The following MYOM1 variants were observed in gnomAD, a reference collection of about 807,000 sequenced individuals.
MYOM1 encodes the protein myomesin-1.
A neutral mutation model predicts 205.3 loss-of-function variants in MYOM1; 164 were observed. That is an observed-to-expected ratio of 0.80 (90% CI 0.70 to 0.91). MYOM1 has a LOEUF of 0.91. Ranked by LOEUF, MYOM1 falls within the 40% of genes least tolerant of loss-of-function variation. The pLI is 0.00. For missense variants in MYOM1, 2,011 were observed against 2,127.3 expected (o/e 0.95, Z 1.08); for synonymous variants, 772 against 789.4 (o/e 0.98, Z 0.37).
At chr18:3,231,701 G>A in the MYOM1 span, among the ~76,000 whole-genome samples, 1 of 151,586 alleles carries the variant, frequency 6.6e-6, no homozygotes, top group East Asian at 1.9e-4. Context: ...GTGCCACCAC[G>A]CCCAGCTAAT....
At chr18:3,127,305 A>ATATATATATATATTTTT (rs56880961) in intron 18 of MYOM1, among the ~76,000 whole-genome samples, 1 of 47,570 alleles carries the variant, frequency 2.1e-5, no homozygotes. Context: ...ATATATATAT[A>ATATATATATATATTTTT]TTTTTTTTTT....
Position 3,067,442 on chromosome 18 carries a change from C to G in MYOM1, c.4878G>C (p.Gly1626=), listed in dbSNP as rs755824393. ...CGTTGATGGTGAAGTACGCGGTCCT[C>G]CCAGCCTCGAACTTGAGGTTGCAGT... ...DDHCNLKFEA[G]RTAYFTINGV... The change falls in exon 38 of 38, where the codon GGG becomes GGC. Residue 1626 remains glycine (G), a synonymous_variant. Coordinates refer to ENST00000356443, the MANE Select transcript of MYOM1 (RefSeq NM_003803.4). 3.1e-6 allele frequency: 5 copies of G among 1,613,632 alleles called. No homozygotes were observed. The Admixed American group carries it at 8.3e-5, about 27-fold the overall frequency.
At chr18:3,204,964 G>C (rs1413944979) in intron 2 of MYOM1, among the ~76,000 whole-genome samples, 1 of 152,028 alleles carries the variant, frequency 6.6e-6, no homozygotes, top group African/African-American at 2.4e-5. Context: ...AATGGGGGAA[G>C]GGATAATCTT....
At chr18:3,208,664 A>G (rs2144235893) in intron 2 of MYOM1, among the ~76,000 whole-genome samples, 1 of 152,350 alleles carries the variant, frequency 6.6e-6, no homozygotes, top group Non-Finnish European at 1.5e-5. Flanking sequence ...ATACTGGAAG[A>G]CAAACCTTAG....
At position 3,214,921 on chromosome 18, in the gene MYOM1, G is replaced by A. The variant is rs780929540; in HGVS notation, c.290+13C>T. 107 of 1,568,330 alleles carry A rather than the reference G, an allele frequency of 6.8e-5. No individual in the cohort carries two copies. The highest frequency in any genetic ancestry group is 8.9e-5 in the Non-Finnish European group (103 of 1,155,158). On this transcript the variant is annotated intron_variant, in intron 2 of 37. Coordinates refer to ENST00000356443, the MANE Select transcript of MYOM1 (RefSeq NM_003803.4). ...CCTGAGGTTGGAAGGTTGGAGGAGG[G>A]CGTCCGACATACCCATGGGAGGAGC... is the stretch of plus-strand genomic sequence containing the variant.
At chr18:3,244,112 T>G in the MYOM1 span, among the ~76,000 whole-genome samples, 1 of 152,198 alleles carries the variant, frequency 6.6e-6, no homozygotes, top group South Asian at 2.1e-4. Flanking sequence ...GTCCTGTGCA[T>G]AGTAGGATGT....
chr18:3,197,709 TA>T (rs1249653840), intron 2 of MYOM1, among the ~76,000 whole-genome samples: 5 of 151,496 alleles, frequency 3.3e-5, no homozygotes, highest in Non-Finnish European at 5.9e-5. Context: ...CCGTCTTTAC[TA>T]AAAATACAAA....
At chr18:3,101,073 T>A (rs1317126629) in intron 23 of MYOM1, among the ~76,000 whole-genome samples, 1 of 152,240 alleles carries the variant, frequency 6.6e-6, no homozygotes, top group African/African-American at 2.4e-5. Context: ...AAATGTTAAG[T>A]GTATAAACTG....
At chr18:3,134,065 G>T (rs1051695155) in intron 16 of MYOM1, among the ~76,000 whole-genome samples, 1 of 151,770 alleles carries the variant, frequency 6.6e-6, no homozygotes, top group Non-Finnish European at 1.5e-5. Context: ...TCGCCAGGTT[G>T]CCCAGGCTGG....
In MYOM1 at chr18:3,163,597, C is replaced by T. The variant is rs140558431; in HGVS notation, c.1501+681G>A. ...CCTCCCAAGTAGCTGAGACTACAAG[C>T]GCGCACCACCATGCCCGGCTAATTT... On this transcript the variant is annotated intron_variant, in intron 10 of 37. Transcript: ENST00000356443. 6.1e-3 allele frequency among the ~76,000 whole-genome samples: 923 copies of T among 151,844 alleles called. 11 individuals carry two copies. The highest frequency in any genetic ancestry group is 0.021 in the African/African-American group (875 of 41,368).
rs114344657 is a variant in MYOM1, at chr18:3,152,326, G to A, written c.1644-433C>T. Reference sequence around the variant, plus strand: ...CAGAGGTATTATTGAGAAAATTGGCGTCTTAAAACCTAACTATTTGCACTG... The same window carrying A: ...CAGAGGTATTATTGAGAAAATTGGCATCTTAAAACCTAACTATTTGCACTG... On this transcript the variant is annotated intron_variant, in intron 11 of 37. Transcript: ENST00000356443. The surrounding 1 kb of genome is among the most constrained non-coding windows in gnomAD (Gnocchi z 4.3). Among the ~76,000 whole-genome samples, 2,074 of 152,210 alleles carry A rather than the reference G, an allele frequency of 0.014. 37 individuals carry two copies. The highest frequency in any genetic ancestry group is 0.046 in the African/African-American group (1,897 of 41,516).
rs752316304 is a variant in MYOM1, at chr18:3,071,795, A to T, written c.4764+39T>A. 9.5e-6 allele frequency: 15 copies of T among 1,571,126 alleles called. 1 individual carries two copies. In the South Asian group the frequency reaches 1.8e-4, roughly 18 times the overall value. ...ATCTGGGGTGCTGGAACCTGTTCAT[A>T]GTGCAGAAGGAGCAGGCACAGGCAG... On this transcript the variant is annotated intron_variant, in intron 37 of 37. Coordinates refer to ENST00000356443, the MANE Select transcript of MYOM1 (RefSeq NM_003803.4).
intron 23 of MYOM1, among the ~76,000 whole-genome samples, chr18:3,101,644 A>G (rs1299381339): frequency 6.6e-6 from 1 of 152,186 alleles, no homozygotes; most frequent in Non-Finnish European, 1.5e-5. Context: ...CAATCCATTT[A>G]ATTTACCATA....
rs1001635028 is a variant in MYOM1, at chr18:3,094,187, C to T, written c.3847G>A (p.Glu1283Lys). 6.2e-7 allele frequency: 1 copy of T among 1,613,786 alleles called. No individual in the cohort carries two copies. The highest frequency in any genetic ancestry group is 8.5e-7 in the Non-Finnish European group (1 of 1,179,842). The change falls in exon 26 of 38, where the codon GAA (glutamate) becomes AAA (lysine). Residue 1283 changes from glutamate (E) to lysine (K), a missense_variant. Physicochemically the swap from Glu to Lys is moderately conservative, Grantham distance 56. Transcript: ENST00000356443. ...AKVNYIFNEK[E>K]IFEGPKYKMH... ...AAACCTACCGGGCCTTCAAAAATTT[C>T]CTTCTCGTTAAATATGTAGTTGACT...
rs1191012677 is a variant in MYOM1 at position 3,131,372 on chromosome 18, T to C, written c.2506+3A>G. The C allele has an allele frequency of 6.2e-7, 1 of 1,613,842 alleles. No individual in the cohort carries two copies. Among genetic ancestry groups the C allele is most frequent in the Admixed American group, 1.7e-5 (1 of 60,022 alleles). On this transcript the variant is annotated splice_donor_region_variant and intron_variant, in intron 17 of 37. Coordinates refer to ENST00000356443, the MANE Select transcript of MYOM1 (RefSeq NM_003803.4). The stretch of plus-strand genomic sequence containing the variant: ...CCCATACAGTTATGCATAAGGAACT[T>C]ACCAATAGCAGCTTTGACTTCAATA...
chr18:3,084,183 GAAATA>G (rs1189779072), intron 31 of MYOM1, among the ~76,000 whole-genome samples, 156 bp from the exon 32 acceptor site: 2 of 152,156 alleles, frequency 1.3e-5, no homozygotes, highest in Non-Finnish European at 2.9e-5. Flanking sequence ...ATTCTTTGAG[GAAATA>G]GTTCAATTTT....
chr18:3,101,544 G>A (rs530870698), intron 23 of MYOM1, among the ~76,000 whole-genome samples: 50 of 152,256 alleles, frequency 3.3e-4, no homozygotes, highest in Admixed American at 5.9e-4. Flanking sequence ...CCTAGAGCTC[G>A]TTCATCTTAT....
chr18:3,108,644 A>G (rs530115080), intron 22 of MYOM1, among the ~76,000 whole-genome samples: 14 of 151,986 alleles, frequency 9.2e-5, no homozygotes, highest in Admixed American at 6.6e-4. Context: ...CCTGGGTCCA[A>G]GCAATTCTGC....
chr18:3,100,767 G>C (rs937117728), intron 23 of MYOM1, among the ~76,000 whole-genome samples: 5 of 152,214 alleles, frequency 3.3e-5, no homozygotes, highest in African/African-American at 1.2e-4. Flanking sequence ...GCCAAGGGCA[G>C]AACCTGCTGT....
Sources: allele counts gnomAD v4.1 joint callset (sites outside exome capture counted in the v4.1 genomes callset), GRCh38; gene constraint gnomAD v4.1.1; non-coding constraint Gnocchi (gnomAD v3.1); transcripts MANE v1.5; gene names NCBI Gene and HGNC (gene_info 2026-07-23, HGNC 2026-07-21).